Variants in ATP8A2 observed in about 807,000 individuals in gnomAD.
The protein encoded by ATP8A2 is phospholipid-transporting ATPase IB.
A neutral mutation model predicts 165.6 loss-of-function variants in ATP8A2; 100 were observed. The ratio of observed to expected loss-of-function variants is 0.60; its 90% CI spans 0.51 to 0.71. The LOEUF (loss-of-function observed/expected upper bound fraction) is 0.71. Ranked by LOEUF, ATP8A2 falls within the 30% of genes least tolerant of loss-of-function variation. The probability of loss-of-function intolerance (pLI) is 0.00; values close to 1 mark genes in which losing one functional copy is unlikely to be tolerated. For synonymous variants in ATP8A2, 543 were observed against 548.8 expected (o/e 0.99, Z 0.15); for missense variants, 1,227 against 1,479.5 (o/e 0.83, Z 2.80).
intron 2 of ATP8A2, among the ~76,000 whole-genome samples, chr13:25,488,434 C>T (rs1385799114): frequency 1.3e-5 from 2 of 152,158 alleles, no homozygotes; most frequent in Non-Finnish European, 2.9e-5. Flanking sequence ...ATAGTAATTA[C>T]AACTTTACCA....
intron 24 of ATP8A2, among the ~76,000 whole-genome samples, chr13:25,691,905 C>T (rs2042733171): frequency 6.6e-6 from 1 of 152,122 alleles, no homozygotes; most frequent in African/African-American, 2.4e-5. Flanking sequence ...TGAATTTTAC[C>T]GTTTACACTC....
rs113771665 is a variant in ATP8A2, at chr13:25,920,191, G to A, written c.3184-41384G>A. On this transcript the variant is annotated intron_variant, in intron 33 of 36. Transcript: ENST00000381655. ...TCCTTCTCGGCCTTTTCCCTCTTCT[G>A]TAACTTACAGGTTTGGGTTCTACAC... Among the ~76,000 whole-genome samples the A allele has an allele frequency of 3.3e-5, 5 of 152,164 alleles. 1 individual carries two copies. Among genetic ancestry groups the A allele is most frequent in the African/African-American group, 1.2e-4 (5 of 41,526 alleles).
intron 24 of ATP8A2, among the ~76,000 whole-genome samples, chr13:25,666,417 A>G (rs2042156686): frequency 6.6e-6 from 1 of 151,720 alleles, no homozygotes; most frequent in Admixed American, 6.6e-5. Flanking sequence ...ATATATATAT[A>G]TTAGTAGAGA....
chr13:25,559,070 G>C lies in ATP8A2; in HGVS notation c.1352+9G>C, dbSNP rs182400743. The C allele has an allele frequency of 1.2e-5, 19 of 1,570,314 alleles. No individual in the cohort carries two copies. In the East Asian group the frequency reaches 3.8e-4, roughly 32 times the overall value. The stretch of plus-strand genomic sequence containing the variant: ...GCCGGAGTAACCTATGGGTCAGTGT[G>C]TTTATCATTTACTGAAAATTTACTT... On this transcript the variant is annotated intron_variant, in intron 14 of 36. Coordinates refer to ENST00000381655, the MANE Select transcript of ATP8A2 (RefSeq NM_016529.6).
At chr13:25,823,851 T>G (rs1339912309) in intron 27 of ATP8A2, among the ~76,000 whole-genome samples, 1 of 152,180 alleles carries the variant, frequency 6.6e-6, no homozygotes, top group Non-Finnish European at 1.5e-5. Flanking sequence ...AACTTCTATT[T>G]TCCTCTTTTT....
intron 1 of ATP8A2, among the ~76,000 whole-genome samples, chr13:25,403,616 T>C (rs148769718): frequency 6.6e-5 from 10 of 152,352 alleles, no homozygotes; most frequent in African/African-American, 1.4e-4. Context: ...GCCAGCTTTC[T>C]AGATCAGGAG....
rs1371466952 is a variant in ATP8A2, at chr13:25,478,854, A to AC, written c.221+9734dup. ...TTTCATTGGATGTCCCATTTGTAAC[A>AC]CTTTTTTTTTTCTTTTTGGAGTCTT... is the stretch of plus-strand genomic sequence containing the variant. On this transcript the variant is annotated intron_variant, in intron 2 of 36. Transcript: ENST00000381655. Among the ~76,000 whole-genome samples, 7 of 10,916 alleles carry AC rather than the reference A, an allele frequency of 6.4e-4. No individual in the cohort carries two copies. In the South Asian group the frequency reaches 0.03, roughly 47 times the overall value. The allele number at this position is 10,916 out of a possible 152,430, so 7.2% of individuals were successfully genotyped here.
At chr13:25,960,648 C>CA in intron 33 of ATP8A2, among the ~76,000 whole-genome samples, 1 of 152,070 alleles carries the variant, frequency 6.6e-6, no homozygotes, top group Non-Finnish European at 1.5e-5. Flanking sequence ...TTTGCTCATT[C>CA]AAAACCAAAA....
In ATP8A2 at chr13:25,772,921, G is replaced by A. The variant is rs114066779; in HGVS notation, c.2569-1928G>A. ...ATTACAGGCACCCAACACCACGTCT[G>A]ACTACTTTTTGGATTTTTAGCAGAG... On this transcript the variant is annotated intron_variant, in intron 26 of 36. Coordinates refer to ENST00000381655, the MANE Select transcript of ATP8A2 (RefSeq NM_016529.6). Among the ~76,000 whole-genome samples the A allele has an allele frequency of 6.8e-3, 1,036 of 151,938 alleles. 8 individuals are homozygous for A. The highest frequency in any genetic ancestry group is 0.024 in the African/African-American group (980 of 41,454).
chr13:25,772,292 T>C (rs1413085632), intron 26 of ATP8A2, among the ~76,000 whole-genome samples: 1 of 152,176 alleles, frequency 6.6e-6, no homozygotes, highest in Non-Finnish European at 1.5e-5. Flanking sequence ...TACATTTTTT[T>C]TTCCTGAAAA....
Position 25,730,155 on chromosome 13 carries a change from G to T in ATP8A2, c.2384+30810G>T, listed in dbSNP as rs140906845. 4.5e-4 allele frequency among the ~76,000 whole-genome samples: 69 copies of T among 152,196 alleles called. No homozygotes were observed. In the East Asian group the frequency reaches 8.5e-3, roughly 19 times the overall value. ...AAATACAAAAAATTAACCAGGCATG[G>T]TGCCGTGTGCCTGTGGTTCCAGCTA... On this transcript the variant is annotated intron_variant, in intron 25 of 36. Transcript: ENST00000381655.
At chr13:25,756,277 A>C (rs1212486377) in intron 25 of ATP8A2, among the ~76,000 whole-genome samples, 1 of 151,106 alleles carries the variant, frequency 6.6e-6, no homozygotes, top group Non-Finnish European at 1.5e-5. Context: ...CGGTGTCCCC[A>C]TATTATAAGC....
intron 7 of ATP8A2, among the ~76,000 whole-genome samples, chr13:25,538,757 C>G (rs2038368303): frequency 6.6e-6 from 1 of 152,124 alleles, no homozygotes. Context: ...TATTTATACA[C>G]TGTTGGGAAT....
intron 2 of ATP8A2, among the ~76,000 whole-genome samples, chr13:25,474,727 C>T (rs911094037): frequency 1.3e-5 from 2 of 149,958 alleles, no homozygotes; most frequent in Admixed American, 6.6e-5. Flanking sequence ...ATTTTAGGTT[C>T]GGGATATGTG....
intron 25 of ATP8A2, among the ~76,000 whole-genome samples, chr13:25,749,294 G>C (rs2044104307): frequency 6.6e-6 from 1 of 152,150 alleles, no homozygotes; most frequent in South Asian, 2.1e-4. Flanking sequence ...GATGGGAAGA[G>C]AGTGGAGGAG....
intron 24 of ATP8A2, among the ~76,000 whole-genome samples, chr13:25,647,969 A>G (rs1437272578): frequency 6.6e-6 from 1 of 152,036 alleles, no homozygotes; most frequent in Non-Finnish European, 1.5e-5. Context: ...GATTACAGAC[A>G]TGAGCCACTG....
At position 26,020,738 on chromosome 13, in the gene ATP8A2, A is replaced by G. The variant is rs753657814; in HGVS notation, c.*753A>G. 3 of 152,354 alleles carry G rather than the reference A, an allele frequency of 2.0e-5. No individual in the cohort carries two copies. Among genetic ancestry groups the G allele is most frequent in the Non-Finnish European group, 2.9e-5 (2 of 68,128 alleles). 9.4% of individuals were successfully genotyped at this position (152,354 alleles called of 1,614,324 possible). On this transcript the variant is annotated 3_prime_UTR_variant, in exon 37 of 37. Transcript: ENST00000381655. ...AGTGCATGGCGGCCGATGGGCAGCCAACCCAAACCCGCGCCTTTCCTTGTT... is the reference window on the plus strand; with the variant it reads ...AGTGCATGGCGGCCGATGGGCAGCCGACCCAAACCCGCGCCTTTCCTTGTT...
chr13:25,978,877 T>A (rs1040944651), intron 35 of ATP8A2, among the ~76,000 whole-genome samples: 1 of 151,964 alleles, frequency 6.6e-6, no homozygotes, highest in Non-Finnish European at 1.5e-5. Flanking sequence ...GAGGCGGAGC[T>A]TGGAGTGAGC....
rs2042642467 is a variant in ATP8A2, at chr13:25,688,108, CGTGCTGTTGTGTGGCTGTTTT to C, written c.2212-11052_2212-11032del. On this transcript the variant is annotated intron_variant, in intron 24 of 36. Transcript: ENST00000381655. ...ACATGCGGTGATCTTTGGCTGTTTT[CGTGCTGTTGTGTGGCTGTTTT>C]GTGCTGTTGTGTCGCTGTTTCATTC... Among the ~76,000 whole-genome samples, 16 of 63,636 alleles carry C rather than the reference CGTGCTGTTGTGTGGCTGTTTT, an allele frequency of 2.5e-4. 1 individual carries two copies. The South Asian group carries it at 5.5e-3, about 22-fold the overall frequency. The allele number at this position is 63,636 out of a possible 152,430, so 41.7% of individuals were successfully genotyped here. A position where few individuals can be genotyped will look rare whatever the true frequency, so the allele number is the denominator to read the frequency against.
Sources: gnomAD v4.1 joint callset for allele counts (sites outside exome capture counted in the v4.1 genomes callset) on GRCh38, gnomAD v4.1.1 for gene constraint, MANE v1.5 for transcripts, NCBI Gene and HGNC (gene_info 2026-07-23, HGNC 2026-07-21) for gene names.